Variants in PABIR3 observed in about 807,000 individuals in gnomAD.
PABIR3 encodes the protein PABIR family member 3.
A neutral mutation model predicts 23.1 loss-of-function variants in PABIR3; 20 were observed. The ratio of observed to expected loss-of-function variants is 0.86; its 90% CI spans 0.61 to 1.26. PABIR3 has a LOEUF of 1.26. Ranked by LOEUF, PABIR3 falls within the 50% of genes most tolerant of loss-of-function variation. The pLI, the probability that PABIR3 is intolerant of heterozygous loss-of-function variation, is 0.00. For synonymous variants in PABIR3, 69 were observed against 68.5 expected, an observed-to-expected ratio of 1.01 and a Z score of -0.04; for missense variants, 189 against 195.4, an observed-to-expected ratio of 0.97 and a Z score of 0.20.
At chrX:134,855,739 A>G (rs2082746413), downstream of PABIR3, among the ~76,000 whole-genome samples, 1 of 112,074 alleles carries the variant, frequency 8.9e-6, no homozygotes, top group Non-Finnish European at 1.9e-5. Context: ...GTGGGAGAAG[A>G]TTCTATTCAA....
At chrX:134,807,036 C>A, upstream of PABIR3, 1 of 286,722 alleles carries the variant, frequency 3.5e-6, no homozygotes, top group Non-Finnish European at 4.7e-6. Context: ...GGTAAGTGGG[C>A]ATTGGGGAAA....
At chrX:134,824,626 C>G (rs1351201725) in intron 3 of PABIR3, among the ~76,000 whole-genome samples, 1 of 110,752 alleles carries the variant, frequency 9.0e-6, no homozygotes, top group Non-Finnish European at 1.9e-5. Context: ...ATGGAGAAAC[C>G]CTGTCTCTAC....
chrX:134,862,143 T>G, the PABIR3 span, among the ~76,000 whole-genome samples: 1 of 67,411 alleles, frequency 1.5e-5, no homozygotes, highest in Admixed American at 1.5e-4. Context: ...TTATTGGCTG[T>G]TTTTTTTTTT....
At chrX:134,843,957 C>T (rs1352309289) in intron 4 of PABIR3, among the ~76,000 whole-genome samples, 1 of 85,185 alleles carries the variant, frequency 1.2e-5, no homozygotes, top group Non-Finnish European at 2.2e-5. Context: ...GAGTGTTGCT[C>T]TCTGTCATTC....
At chrX:134,858,038 T>C (rs1453577028), downstream of PABIR3, among the ~76,000 whole-genome samples, 1 of 111,499 alleles carries the variant, frequency 9.0e-6, no homozygotes, top group Non-Finnish European at 1.9e-5. Context: ...TGACTATAGA[T>C]ACACATAAGA....
At chrX:134,832,295 T>A (rs937399274) in intron 4 of PABIR3, among the ~76,000 whole-genome samples, 3 of 105,784 alleles carry the variant, frequency 2.8e-5, no homozygotes, top group African/African-American at 1.0e-4. Context: ...AAAAAGAAGA[T>A]AAGTTAGAAC....
At chrX:134,842,711 A>G (rs2082277073) in intron 4 of PABIR3, among the ~76,000 whole-genome samples, 1 of 110,277 alleles carries the variant, frequency 9.1e-6, no homozygotes, top group South Asian at 3.9e-4. Context: ...CAGCCTGGCC[A>G]ACACGGTGAA....
At chrX:134,825,818 A>G (rs2081476650) in intron 3 of PABIR3, among the ~76,000 whole-genome samples, 1 of 96,497 alleles carries the variant, frequency 1.0e-5, no homozygotes, top group Admixed American at 1.2e-4. Context: ...GCCTGCTACC[A>G]CGCCCGGATC....
Position 134,807,359 on chromosome X carries a change from C to G in PABIR3, c.-60+18C>G, listed in dbSNP as rs1336841064. 6.2e-6 allele frequency: 6 copies of G among 961,380 alleles called. No homozygotes were observed. Among genetic ancestry groups the G allele is most frequent in the Non-Finnish European group, 6.5e-6 (5 of 768,713 alleles). 79.2% of individuals were successfully genotyped at this position (961,380 alleles called of 1,213,427 possible). A position where few individuals can be genotyped will look rare whatever the true frequency, so the allele number is the denominator to read the frequency against. On this transcript the variant is annotated intron_variant, in intron 1 of 10. Coordinates refer to ENST00000645433, the MANE Select transcript of PABIR3 (RefSeq NM_001388447.1). The stretch of plus-strand genomic sequence containing the variant: ...ACTTGGAGGTGGGGGATCTTCTCAT[C>G]GTTAGAGGCCCCGATCATGGGAGAT...
chrX:134,851,992 T>C (rs1012139598), intron 9 of PABIR3, among the ~76,000 whole-genome samples: 4 of 112,564 alleles, frequency 3.6e-5, no homozygotes, highest in African/African-American at 1.3e-4. Context: ...AGTTGTTGTT[T>C]TTTTTGAGAT....
intron 1 of PABIR3, among the ~76,000 whole-genome samples, chrX:134,798,783 A>T (rs1467557385): frequency 8.0e-5 from 9 of 112,316 alleles, no homozygotes; most frequent in Non-Finnish European, 1.7e-4. Flanking sequence ...TGACCAGCCG[A>T]ATCCAGGGGA....
intron 1 of PABIR3, among the ~76,000 whole-genome samples, chrX:134,797,745 A>C (rs967023244): frequency 9.0e-6 from 1 of 111,048 alleles, no homozygotes; most frequent in Non-Finnish European, 1.9e-5. Context: ...GCAGAACCAA[A>C]TGTTTTTTCT....
intron 2 of PABIR3, among the ~76,000 whole-genome samples, chrX:134,811,983 C>T (rs1372482887): frequency 2.7e-5 from 3 of 112,078 alleles, no homozygotes; most frequent in East Asian, 5.6e-4. Flanking sequence ...TGAACTTTTA[C>T]GAACGTGGAA....
chrX:134,803,970 T>C (rs975919262), upstream of PABIR3: 2 of 200,039 alleles, frequency 1.0e-5, no homozygotes. Flanking sequence ...TTGTGGTTTG[T>C]AGATTTGGGT....
intron 9 of PABIR3, among the ~76,000 whole-genome samples, chrX:134,850,444 A>C (rs917701929): frequency 8.9e-6 from 1 of 111,996 alleles, no homozygotes; most frequent in Admixed American, 9.5e-5. Flanking sequence ...CAAAGTAAGC[A>C]CATTGTTTTA....
At chrX:134,810,167 A>C (rs2080562347) in intron 2 of PABIR3, 1 of 752,237 alleles carries the variant, frequency 1.3e-6, no homozygotes, top group South Asian at 6.8e-5. Context: ...GAACCTGTGG[A>C]TCCTCTTTAA....
At chrX:134,864,099 C>T in the PABIR3 span, among the ~76,000 whole-genome samples, 5 of 110,608 alleles carry the variant, frequency 4.5e-5, no homozygotes, top group South Asian at 1.9e-3. Flanking sequence ...TGCCCAGGCT[C>T]GAGTGCATTG....
intron 2 of PABIR3, chrX:134,810,761 C>T: frequency 1.3e-6 from 1 of 753,055 alleles, no homozygotes; most frequent in Non-Finnish European, 1.6e-6. Context: ...TATACCTGGC[C>T]AGTAAAGCAT....
intron 2 of PABIR3, among the ~76,000 whole-genome samples, chrX:134,808,831 A>G (rs1288844600): frequency 9.0e-6 from 1 of 111,566 alleles, no homozygotes; most frequent in Non-Finnish European, 1.9e-5. Flanking sequence ...CCTATTTTTT[A>G]TTGGAGCAGA....
Sources: allele counts gnomAD v4.1 joint callset (sites outside exome capture counted in the v4.1 genomes callset), GRCh38; gene constraint gnomAD v4.1.1; transcripts MANE v1.5; gene names NCBI Gene and HGNC (gene_info 2026-07-23, HGNC 2026-07-21).